The following WWOX variants were observed in gnomAD, a reference collection of about 807,000 sequenced individuals.
WWOX encodes the protein WW domain-containing oxidoreductase.
A neutral mutation model predicts 46.2 loss-of-function variants in WWOX; 69 were observed. The ratio of observed to expected loss-of-function variants is 1.49; its 90% CI spans 1.23 to 1.82. WWOX has a LOEUF of 1.82. Among genes scored for constraint, WWOX ranks in the 40% most tolerant of loss-of-function variants. WWOX has a pLI of 0.00. For missense variants in WWOX, 919 were observed against 542.6 expected (o/e 1.69, Z -6.89); for synonymous variants, 359 against 202.6 (o/e 1.77, Z -6.56).
At chr16:78,554,155 G>A (rs972310078) in intron 8 of WWOX, among the ~76,000 whole-genome samples, 1 of 152,176 alleles carries the variant, frequency 6.6e-6, no homozygotes, top group Non-Finnish European at 1.5e-5. Context: ...GAAAAGTGCT[G>A]AAGGTGGCCT....
chr16:78,740,716 C>T (rs1004100151), intron 8 of WWOX, among the ~76,000 whole-genome samples: 3 of 152,068 alleles, frequency 2.0e-5, no homozygotes, highest in Admixed American at 1.3e-4. Flanking sequence ...GTAATTGGGG[C>T]AAGGGAAGCA....
chr16:78,734,980 C>G (rs1467539508), intron 8 of WWOX, among the ~76,000 whole-genome samples: 1 of 149,022 alleles, frequency 6.7e-6, no homozygotes, highest in East Asian at 2.0e-4. Context: ...ATTCTCCTGC[C>G]TCAGCCTTCC....
At chr16:78,945,797 G>A (rs1052654265) in intron 8 of WWOX, among the ~76,000 whole-genome samples, 1 of 152,042 alleles carries the variant, frequency 6.6e-6, no homozygotes, top group African/African-American at 2.4e-5. Flanking sequence ...GTTCTTGGTA[G>A]ACAGAAGCTG....
intron 5 of WWOX, among the ~76,000 whole-genome samples, chr16:78,212,371 A>G (rs545566911): frequency 2.6e-5 from 4 of 152,358 alleles, no homozygotes; most frequent in Non-Finnish European, 4.4e-5. Flanking sequence ...TCAAAAGGAC[A>G]GGGAAGTGTA....
At chr16:79,163,028 C>G (rs1292148718) in intron 8 of WWOX, among the ~76,000 whole-genome samples, 1 of 152,196 alleles carries the variant, frequency 6.6e-6, no homozygotes, top group Non-Finnish European at 1.5e-5. Context: ...CAGTCACATG[C>G]AAGTATTCTT....
chr16:78,998,381 G>A (rs184972463), intron 8 of WWOX, among the ~76,000 whole-genome samples: 2 of 152,286 alleles, frequency 1.3e-5, no homozygotes, highest in African/African-American at 4.8e-5. Context: ...CTCGGGCCCA[G>A]AGCAGAGCCT....
chr16:78,163,837 G>A (rs1047222577), intron 4 of WWOX, among the ~76,000 whole-genome samples: 1 of 152,168 alleles, frequency 6.6e-6, no homozygotes, highest in Non-Finnish European at 1.5e-5. Context: ...ACTCTTCTAT[G>A]TCCCAGTCTT....
chr16:78,313,186 A>T (rs2080283206), intron 5 of WWOX, among the ~76,000 whole-genome samples: 1 of 152,192 alleles, frequency 6.6e-6, no homozygotes, highest in Non-Finnish European at 1.5e-5. Context: ...CAGACATCTT[A>T]GACTCCAACA....
intron 8 of WWOX, among the ~76,000 whole-genome samples, chr16:79,201,098 G>T (rs1266746873): frequency 6.6e-6 from 1 of 152,160 alleles, no homozygotes; most frequent in Non-Finnish European, 1.5e-5. Context: ...GGAGACTGAG[G>T]CTCAGTGGCT....
chr16:79,123,683 TCTGGACCCTTTACCTGTCAGCTGTAGGAA>T (rs1454349738), intron 8 of WWOX, among the ~76,000 whole-genome samples: 1 of 152,094 alleles, frequency 6.6e-6, no homozygotes, highest in Non-Finnish European at 1.5e-5. Flanking sequence ...CCAATTGCAA[TCTGGACCCTTTACCTGTCAGCTGTAGGAA>T]CATGAAATAA....
chr16:78,427,811 G>C (rs941785014), intron 7 of WWOX, among the ~76,000 whole-genome samples: 1 of 151,216 alleles, frequency 6.6e-6, no homozygotes, highest in Non-Finnish European at 1.5e-5. Context: ...TAAAAAAAAT[G>C]CAGTATAGGC....
intron 8 of WWOX, among the ~76,000 whole-genome samples, chr16:78,865,533 C>A (rs574885617): frequency 6.6e-6 from 1 of 152,062 alleles, no homozygotes; most frequent in Non-Finnish European, 1.5e-5. Flanking sequence ...TTTATAATTC[C>A]TTAGATTGCT....
intron 8 of WWOX, among the ~76,000 whole-genome samples, chr16:78,881,870 C>A (rs2044349751): frequency 6.6e-6 from 1 of 152,172 alleles, no homozygotes; most frequent in African/African-American, 2.4e-5. Context: ...TGCCTGTAAT[C>A]CCAGCACTTT....
At chr16:78,378,030 G>A (rs2081870343) in intron 5 of WWOX, among the ~76,000 whole-genome samples, 1 of 152,102 alleles carries the variant, frequency 6.6e-6, no homozygotes, top group African/African-American at 2.4e-5. Context: ...GGGCCCTGGA[G>A]TGAAGGTTGA....
intron 8 of WWOX, among the ~76,000 whole-genome samples, chr16:79,069,934 C>A (rs866503944): frequency 6.6e-6 from 1 of 152,168 alleles, no homozygotes; most frequent in Non-Finnish European, 1.5e-5. Flanking sequence ...GTTACCCAAA[C>A]CTTTGTGTCA....
intron 8 of WWOX, among the ~76,000 whole-genome samples, chr16:79,147,730 C>G (rs992526803): frequency 1.3e-5 from 2 of 152,164 alleles, no homozygotes; most frequent in African/African-American, 4.8e-5. Context: ...TTCACTATAT[C>G]TTCACCAGCA....
chr16:78,890,201 G>T (rs935288060), intron 8 of WWOX: 2 of 152,068 alleles, frequency 1.3e-5, no homozygotes, highest in African/African-American at 2.4e-5. Flanking sequence ...TGTAAATGAG[G>T]CACATCTATT....
At chr16:78,766,309 A>G (rs1244648841) in intron 8 of WWOX, among the ~76,000 whole-genome samples, 1 of 152,188 alleles carries the variant, frequency 6.6e-6, no homozygotes, top group Non-Finnish European at 1.5e-5. Context: ...TAAAATGTGC[A>G]GAGGAGACCG....
chr16:78,298,446 G>C (rs1350269328), intron 5 of WWOX, among the ~76,000 whole-genome samples: 1 of 152,128 alleles, frequency 6.6e-6, no homozygotes, highest in East Asian at 1.9e-4. Context: ...ATCCTGGGTA[G>C]TTTGCTTAAT....
Sources: allele counts gnomAD v4.1 joint callset (sites outside exome capture counted in the v4.1 genomes callset), GRCh38; gene constraint gnomAD v4.1.1; transcripts MANE v1.5; gene names NCBI Gene and HGNC (gene_info 2026-07-23, HGNC 2026-07-21).